The following C12orf42 variants were observed in gnomAD, a reference collection of about 807,000 sequenced individuals.
C12orf42 encodes the protein chromosome 12 open reading frame 42, also known as uncharacterized protein C12orf42.
In C12orf42, 25 loss-of-function variants were observed where a neutral mutation model predicts 21.6. The observed-to-expected ratio is 1.16, with a 90% CI of 0.84 to 1.62. The LOEUF (loss-of-function observed/expected upper bound fraction) is 1.62, where lower values mean the gene tolerates loss of function less well. C12orf42 is among the 40% of genes most tolerant of loss of function. C12orf42 has a pLI of 0.00. For synonymous variants in C12orf42, 174 were observed against 175.0 expected, an observed-to-expected ratio of 0.99 and a Z score of 0.05; for missense variants, 483 against 459.3, an observed-to-expected ratio of 1.05 and a Z score of -0.47.
chr12:103,387,500 C>T (rs1204460034), intron 3 of C12orf42, among the ~76,000 whole-genome samples: 2 of 152,180 alleles, frequency 1.3e-5, no homozygotes, highest in Admixed American at 1.3e-4. Flanking sequence ...TTGTCCAGAA[C>T]CTCTATATGT....
At chr12:103,220,237 A>G in the C12orf42 span, among the ~76,000 whole-genome samples, 1 of 152,070 alleles carries the variant, frequency 6.6e-6, no homozygotes, top group African/African-American at 2.4e-5. Context: ...AGGGAGGGGA[A>G]CATCTCACAC....
intron 2 of C12orf42, among the ~76,000 whole-genome samples, chr12:103,419,763 A>G (rs557734629): frequency 6.6e-6 from 1 of 151,994 alleles, no homozygotes; most frequent in African/African-American, 2.4e-5. Context: ...AGTCATTTCC[A>G]TTCCTGGCCA....
At chr12:103,251,830 T>C (rs1303456204) in intron 10 of C12orf42, among the ~76,000 whole-genome samples, 1 of 152,190 alleles carries the variant, frequency 6.6e-6, no homozygotes, top group African/African-American at 2.4e-5. Context: ...TCAGACACTA[T>C]ATATAAGCAT....
intron 3 of C12orf42, among the ~76,000 whole-genome samples, chr12:103,390,367 T>C (rs1172406236): frequency 6.6e-6 from 1 of 152,230 alleles, no homozygotes; most frequent in Non-Finnish European, 1.5e-5. Flanking sequence ...ATTACGTACA[T>C]ACACAATGCT....
intron 4 of C12orf42, among the ~76,000 whole-genome samples, chr12:103,317,251 C>T (rs2039603122): frequency 6.6e-6 from 1 of 152,206 alleles, no homozygotes; most frequent in Non-Finnish European, 1.5e-5. Context: ...TTTCCTTCTT[C>T]TGAGAGAAGG....
intron 10 of C12orf42, among the ~76,000 whole-genome samples, chr12:103,254,581 G>A (rs1215463910): frequency 6.6e-6 from 1 of 152,170 alleles, no homozygotes; most frequent in Non-Finnish European, 1.5e-5. Context: ...CATCTATGTA[G>A]CCATAAAAAG....
intron 3 of C12orf42, among the ~76,000 whole-genome samples, chr12:103,387,733 T>A (rs1180671537): frequency 6.6e-6 from 1 of 152,242 alleles, no homozygotes; most frequent in Non-Finnish European, 1.5e-5. Context: ...TCTTGCTCAC[T>A]GTCTATCTCT....
At chr12:103,401,570 A>G in intron 3 of C12orf42, 37 bp downstream of exon 3, 2 of 1,589,538 alleles carry the variant, frequency 1.3e-6, no homozygotes, top group Non-Finnish European at 1.7e-6. Flanking sequence ...GGACGGCACT[A>G]TGGAGCAGCC....
intron 2 of C12orf42, among the ~76,000 whole-genome samples, chr12:103,472,846 C>T (rs924400936): frequency 1.1e-4 from 17 of 152,184 alleles, no homozygotes; most frequent in African/African-American, 3.4e-4. Flanking sequence ...ATGGGGAAGA[C>T]GGAGTCAAAG....
the C12orf42 span, among the ~76,000 whole-genome samples, chr12:103,147,503 C>CTTTTTTTTTTTTTTTTTTTTTTTTT: frequency 7.0e-5 from 7 of 99,968 alleles, no homozygotes; most frequent in African/African-American, 8.1e-5. Context: ...CTTTTTTTTT[C>CTTTTTTTTTTTTTTTTTTTTTTTTT]TTTTTTTTTT....
At chr12:103,201,901 A>G in the C12orf42 span, among the ~76,000 whole-genome samples, 1 of 152,220 alleles carries the variant, frequency 6.6e-6, no homozygotes, top group Non-Finnish European at 1.5e-5. Flanking sequence ...TAAAATAAAT[A>G]TAAAATAAGC....
chr12:103,236,716 T>TA (rs35933038), downstream of C12orf42, among the ~76,000 whole-genome samples: 33 of 151,492 alleles, frequency 2.2e-4, no homozygotes, highest in Middle Eastern at 3.4e-3. Flanking sequence ...TCTATTGCCT[T>TA]AAAAAAAAAG....
chr12:103,315,883 A>G (rs114337849), intron 4 of C12orf42, among the ~76,000 whole-genome samples: 1,554 of 152,016 alleles, frequency 0.01, 17 homozygotes, highest in African/African-American at 0.036. Context: ...ACAAAAAATG[A>G]TAAGTATGTA....
At chr12:103,431,487 C>A (rs1015205545) in intron 2 of C12orf42, among the ~76,000 whole-genome samples, 2 of 152,172 alleles carry the variant, frequency 1.3e-5, no homozygotes, top group African/African-American at 4.8e-5. Flanking sequence ...CTGCATCCTG[C>A]ACTTACTTGT....
At chr12:103,183,530 C>A in the C12orf42 span, among the ~76,000 whole-genome samples, 1 of 151,872 alleles carries the variant, frequency 6.6e-6, no homozygotes. Flanking sequence ...CTTTTGGTTT[C>A]ATTAATTGTT....
chr12:103,251,969 T>G (rs748690766), intron 10 of C12orf42, among the ~76,000 whole-genome samples: 41 of 152,174 alleles, frequency 2.7e-4, no homozygotes, highest in Non-Finnish European at 5.3e-4. Context: ...TTATTTTATT[T>G]TACTTTAAGT....
intron 4 of C12orf42, among the ~76,000 whole-genome samples, chr12:103,362,516 C>T (rs896765385): frequency 2.0e-5 from 3 of 152,050 alleles, no homozygotes; most frequent in Non-Finnish European, 4.4e-5. Context: ...AAACAAATCC[C>T]TTATTTACCT....
chr12:103,326,339 G>A (rs555895504), intron 4 of C12orf42, among the ~76,000 whole-genome samples: 10 of 152,270 alleles, frequency 6.6e-5, no homozygotes, highest in African/African-American at 2.2e-4. Flanking sequence ...AAGGTCCAGC[G>A]GCCACTCATA....
At chr12:103,321,843 C>A in intron 4 of C12orf42, among the ~76,000 whole-genome samples, 1 of 147,734 alleles carries the variant, frequency 6.8e-6, no homozygotes, top group Non-Finnish European at 1.5e-5. Flanking sequence ...GGAAGGGGAA[C>A]ATCACACTCT....
Sources: gnomAD v4.1 joint callset for allele counts (sites outside exome capture counted in the v4.1 genomes callset) on GRCh38, gnomAD v4.1.1 for gene constraint, MANE v1.5 for transcripts, NCBI Gene and HGNC (gene_info 2026-07-23, HGNC 2026-07-21) for gene names.